Variants in MGLL observed in about 807,000 individuals in gnomAD.
MGLL encodes the protein lysophospholipase homolog.
MGLL carries 7 observed loss-of-function variants against 29.1 expected under a neutral mutation model. The observed-to-expected ratio is 0.24, with a 90% confidence interval of 0.14 to 0.45. The LOEUF (loss-of-function observed/expected upper bound fraction) is 0.45. Among genes scored for constraint, MGLL ranks in the 20% least tolerant of loss-of-function variants. The pLI is 0.99. For missense variants in MGLL, 356 were observed against 413.6 expected, an observed-to-expected ratio of 0.86 and a Z score of 1.21; for synonymous variants, 148 against 168.3, an observed-to-expected ratio of 0.88 and a Z score of 0.93.
intron 3 of MGLL, among the ~76,000 whole-genome samples, chr3:127,750,514 C>G (rs1039454738): frequency 6.6e-6 from 1 of 152,020 alleles, no homozygotes; most frequent in African/African-American, 2.4e-5. Flanking sequence ...TGGAGGAAAC[C>G]GAGAAAGCCC....
intron 3 of MGLL, among the ~76,000 whole-genome samples, chr3:127,759,879 G>A (rs79433069): frequency 0.049 from 7,387 of 152,286 alleles, 388 homozygotes; most frequent in East Asian, 0.18. Context: ...ATCTGGTGGC[G>A]TCTGTACAAT....
chr3:127,793,418 G>A (rs2077333126), intron 2 of MGLL, among the ~76,000 whole-genome samples: 2 of 152,218 alleles, frequency 1.3e-5, no homozygotes, highest in African/African-American at 4.8e-5. Context: ...TATTTTGAGA[G>A]CCTATGGGCC....
intron 3 of MGLL, among the ~76,000 whole-genome samples, chr3:127,725,124 C>T (rs531354853): frequency 3.4e-4 from 52 of 152,156 alleles, no homozygotes; most frequent in African/African-American, 1.1e-3. Flanking sequence ...TCAGCTGAGT[C>T]CACCCCAGTA....
rs2075250677 is a variant in MGLL, at chr3:127,691,827, G to T, written c.*371C>A. On this transcript the variant is annotated 3_prime_UTR_variant, in exon 8 of 8. Coordinates refer to ENST00000265052, the MANE Select transcript of MGLL (RefSeq NM_007283.7). The stretch of plus-strand genomic sequence containing the variant: ...TGAGCGAAGGGTGGGCAGGAAGGAG[G>T]CGCCTCCAGTTATTGCAGTCTGGTG... 1 of 289,878 alleles carries T rather than the reference G, an allele frequency of 3.4e-6. No individual in the cohort carries two copies. Among genetic ancestry groups the T allele is most frequent in the African/African-American group, 2.3e-5 (1 of 44,164 alleles). The allele number at this position is 289,878 out of a possible 1,614,324, so 18.0% of individuals were successfully genotyped here. A position where few individuals can be genotyped will look rare whatever the true frequency, so the allele number is the denominator to read the frequency against.
intron 6 of MGLL, among the ~76,000 whole-genome samples, chr3:127,701,412 C>G (rs563206694): frequency 2.6e-5 from 4 of 152,242 alleles, no homozygotes; most frequent in Admixed American, 2.6e-4. Flanking sequence ...GCTGTCAGCC[C>G]CCAGAGGGCT....
At chr3:127,790,884 A>G (rs2077288270) in intron 2 of MGLL, among the ~76,000 whole-genome samples, 1 of 152,070 alleles carries the variant, frequency 6.6e-6, no homozygotes, top group South Asian at 2.1e-4. Context: ...GCTCACACTG[A>G]CAGATCCCAC....
intron 3 of MGLL, among the ~76,000 whole-genome samples, chr3:127,739,881 C>T (rs1004269194): frequency 6.6e-6 from 1 of 152,214 alleles, no homozygotes; most frequent in Non-Finnish European, 1.5e-5. Flanking sequence ...CTTTGCTAAG[C>T]ACTTGCTGTA....
chr3:127,692,383 G>A, intron 7 of MGLL, 60 bp from the exon 8 acceptor site: 1 of 1,605,950 alleles, frequency 6.2e-7, no homozygotes, highest in Non-Finnish European at 8.5e-7. Context: ...GCAGGGAGCG[G>A]AGACCGTGGG....
At chr3:127,799,713 C>T (rs1021391650) in intron 2 of MGLL, among the ~76,000 whole-genome samples, 1 of 152,186 alleles carries the variant, frequency 6.6e-6, no homozygotes, top group Non-Finnish European at 1.5e-5. Context: ...ATCTTGGCAG[C>T]CCCCAAGCAG....
chr3:127,716,311 C>A (rs1421598425), intron 5 of MGLL, among the ~76,000 whole-genome samples: 2 of 152,222 alleles, frequency 1.3e-5, no homozygotes, highest in Non-Finnish European at 2.9e-5. Context: ...TAAACTAACT[C>A]CGAAGGGATG....
At chr3:127,698,599 G>C in intron 6 of MGLL, among the ~76,000 whole-genome samples, 1 of 152,140 alleles carries the variant, frequency 6.6e-6, no homozygotes, top group Non-Finnish European at 1.5e-5. Context: ...TGGGGCGAGT[G>C]GGGAGGGGAT....
intron 3 of MGLL, among the ~76,000 whole-genome samples, chr3:127,754,617 T>A (rs548858065): frequency 2.0e-4 from 30 of 152,308 alleles, no homozygotes; most frequent in African/African-American, 7.0e-4. Context: ...CCTCTAGGTC[T>A]GTTCTCACCA....
chr3:127,760,874 C>G (rs964185635), intron 3 of MGLL, among the ~76,000 whole-genome samples: 1 of 152,222 alleles, frequency 6.6e-6, no homozygotes, highest in Non-Finnish European at 1.5e-5. Flanking sequence ...TCCATAGGGA[C>G]GTTGCCTGCC....
intron 5 of MGLL, among the ~76,000 whole-genome samples, chr3:127,715,104 A>C (rs1473168402): frequency 1.3e-5 from 2 of 152,142 alleles, no homozygotes; most frequent in African/African-American, 4.8e-5. Flanking sequence ...TGTGTCCATG[A>C]AACACCAGAA....
chr3:127,730,852 G>A (rs1353870278), intron 3 of MGLL, among the ~76,000 whole-genome samples: 5 of 152,174 alleles, frequency 3.3e-5, no homozygotes, highest in Non-Finnish European at 4.4e-5. Context: ...CTGAGTGAAC[G>A]ATGATGTTTG....
intron 3 of MGLL, among the ~76,000 whole-genome samples, chr3:127,725,902 G>A (rs1212172135): frequency 6.6e-6 from 1 of 151,818 alleles, no homozygotes; most frequent in Non-Finnish European, 1.5e-5. Flanking sequence ...AGACCCTGTT[G>A]CTAAAAAAGA....
At chr3:127,700,706 C>A (rs1028098294) in intron 6 of MGLL, among the ~76,000 whole-genome samples, 6 of 152,234 alleles carry the variant, frequency 3.9e-5, no homozygotes, top group Non-Finnish European at 8.8e-5. Flanking sequence ...CAGCTGGCAA[C>A]CGCTGGCCAC....
At chr3:127,795,942 A>T (rs1437675225) in intron 2 of MGLL, among the ~76,000 whole-genome samples, 1 of 152,208 alleles carries the variant, frequency 6.6e-6, no homozygotes, top group Non-Finnish European at 1.5e-5. Flanking sequence ...ATATATTAAA[A>T]TTTGTTCGTA....
At chr3:127,726,520 A>G (rs910593167) in intron 3 of MGLL, among the ~76,000 whole-genome samples, 6 of 151,896 alleles carry the variant, frequency 4.0e-5, no homozygotes, top group Non-Finnish European at 8.8e-5. Context: ...GCTCACTGCA[A>G]GCTCCACCTC....
Sources: allele counts gnomAD v4.1 joint callset (sites outside exome capture counted in the v4.1 genomes callset), GRCh38; gene constraint gnomAD v4.1.1; transcripts MANE v1.5; gene names NCBI Gene and HGNC (gene_info 2026-07-23, HGNC 2026-07-21).